Variants in HYAL1 observed in about 807,000 individuals in gnomAD.
HYAL1 encodes the protein hyaluronidase 1.
In HYAL1, 21 loss-of-function variants were observed where a neutral mutation model predicts 28.8. The observed-to-expected ratio is 0.73, with a 90% CI of 0.52 to 1.05. The LOEUF (loss-of-function observed/expected upper bound fraction) is 1.05, where lower values mean the gene tolerates loss of function less well. Among genes scored for constraint, HYAL1 ranks in the 50% least tolerant of loss-of-function variants. The pLI is 0.00. For missense variants in HYAL1, 491 were observed against 579.2 expected (o/e 0.85, Z 1.56); for synonymous variants, 200 against 230.1 (o/e 0.87, Z 1.18).
intron 1 of HYAL1, among the ~76,000 whole-genome samples, chr3:50,311,998 G>C (rs1200549394): frequency 7.0e-6 from 1 of 142,592 alleles, no homozygotes; most frequent in Non-Finnish European, 1.6e-5. Flanking sequence ...CTCCCGGACG[G>C]GGCGGCTGGC....
In HYAL1 at chr3:50,302,314, G is replaced by T. The variant is rs1702198792; in HGVS notation, c.643C>A (p.Pro215Thr). 7 of 1,613,422 alleles carry T rather than the reference G, an allele frequency of 4.3e-6. No individual in the cohort carries two copies. The highest frequency in any genetic ancestry group is 5.9e-6 in the Non-Finnish European group (7 of 1,180,008). Reference sequence around the variant, plus strand: ...GATGGGCACTGGCCGGTGTAGTTGGGGCTTAGAAAGTCATAGTTGTAGCAG... The same window carrying T: ...GATGGGCACTGGCCGGTGTAGTTGGTGCTTAGAAAGTCATAGTTGTAGCAG... The part of the protein sequence containing the change: ...PDCYNYDFLS[P>T]NYTGQCPSGI... Residue 215 changes from proline to threonine, a missense_variant, in exon 2 of 4, where the codon CCC becomes ACC. By Grantham distance (38) the Pro-to-Thr change is conservative. Transcript: ENST00000395144. This position sits in a 1 kb window ranked among gnomAD's most constrained non-coding sequence, Gnocchi z 5.0.
intron 1 of HYAL1, among the ~76,000 whole-genome samples, chr3:50,311,289 G>A (rs1376934368): frequency 7.3e-5 from 10 of 137,014 alleles, no homozygotes; most frequent in African/African-American, 1.9e-4. Flanking sequence ...CCTCCTTCCC[G>A]GACGGGGCGG....
Position 50,300,656 on chromosome 3 carries a change from G to C in HYAL1, c.1135C>G (p.Leu379Val). Residue 379 changes from leucine to valine, a missense_variant, in exon 4 of 4, where the codon CTC (leucine) becomes GTC (valine). Coordinates refer to ENST00000395144, the MANE Select transcript of HYAL1 (RefSeq NM_033159.4). ...CVRRTSHPKALLLLNPASFSI... is the reference protein window; with the variant it reads ...CVRRTSHPKAVLLLNPASFSI... ...AAACTGGCAGGGTTAAGGAGGAGGA[G>C]GGCTTTGGGGTGGCTGGTGCGGCGG... is the stretch of plus-strand genomic sequence containing the variant. 6 of 1,614,020 alleles carry C rather than the reference G, an allele frequency of 3.7e-6. No individual in the cohort carries two copies. Among genetic ancestry groups the C allele is most frequent in the Non-Finnish European group, 5.1e-6 (6 of 1,179,932 alleles).
At position 50,302,837 on chromosome 3, in the gene HYAL1, G is replaced by A. The variant is rs782749500; in HGVS notation, c.120C>T (p.Thr40=). 1.2e-6 allele frequency: 2 copies of A among 1,613,976 alleles called. No homozygotes were observed. Residue 40 remains threonine (T), a synonymous_variant, in exon 2 of 4, where the codon ACC becomes ACT. Transcript: ENST00000395144. The surrounding 1 kb of genome is among the most constrained non-coding windows in gnomAD (Gnocchi z 5.0). ...RPFTTVWNAN[T]QWCLERHGVD... ...CACCGTGCCTCTCCAGGCACCACTG[G>A]GTGTTTGCATTCCAGACGGTGGTGA...
In HYAL1 at chr3:50,300,363, T is replaced by C. The variant is rs1460735328; in HGVS notation, c.*120A>G. 6 of 976,748 alleles carry C rather than the reference T, an allele frequency of 6.1e-6. No individual in the cohort carries two copies. Among genetic ancestry groups the C allele is most frequent in the Non-Finnish European group, 9.8e-6 (6 of 614,034 alleles). The allele number at this position is 976,748 out of a possible 1,614,324, so 60.5% of individuals were successfully genotyped here. On this transcript the variant is annotated 3_prime_UTR_variant, in exon 4 of 4. Coordinates refer to ENST00000395144, the MANE Select transcript of HYAL1 (RefSeq NM_033159.4). ...TGTGCAGGGAATATGCCTGTGACAG[T>C]GGCTGAGTGTACTCTTTACTGTGAC...
At chr3:50,305,458 T>C (rs1702319335), upstream of HYAL1, among the ~76,000 whole-genome samples, 1 of 151,358 alleles carries the variant, frequency 6.6e-6, no homozygotes. Context: ...TTAGCCAGGA[T>C]GGTCTCGATC....
At chr3:50,311,128 A>G (rs1191018572) in intron 1 of HYAL1, among the ~76,000 whole-genome samples, 1 of 151,786 alleles carries the variant, frequency 6.6e-6, no homozygotes, top group African/African-American at 2.4e-5. Context: ...CACCTCCCAG[A>G]CGGGGTGGTG....
In HYAL1 at chr3:50,300,634, C is replaced by A. The variant is rs1702088872; in HGVS notation, c.1157G>T (p.Ser386Ile). 5.0e-6 allele frequency: 8 copies of A among 1,614,152 alleles called. No homozygotes were observed. The highest frequency in any genetic ancestry group is 6.8e-6 in the Non-Finnish European group (8 of 1,179,992). The change falls in exon 4 of 4, where the codon AGT becomes ATT. Residue 386 changes from serine to isoleucine, a missense_variant. By Grantham distance (142) the Ser-to-Ile change is moderately radical. Coordinates refer to ENST00000395144, the MANE Select transcript of HYAL1 (RefSeq NM_033159.4). ...ACCAGGCGTGAGCTGGATGGAGAAA[C>A]TGGCAGGGTTAAGGAGGAGGAGGGC... The part of the protein sequence containing the change: ...PKALLLLNPA[S>I]FSIQLTPGGG...
At chr3:50,311,660 G>A (rs1438644896) in intron 1 of HYAL1, among the ~76,000 whole-genome samples, 15 of 138,630 alleles carry the variant, frequency 1.1e-4, no homozygotes, top group East Asian at 5.5e-4. Context: ...GCGGCTGGCC[G>A]GGCGGGGGGC....
At chr3:50,305,283 G>A (rs953914338), upstream of HYAL1, among the ~76,000 whole-genome samples, 22 of 152,062 alleles carry the variant, frequency 1.4e-4, no homozygotes, top group Middle Eastern at 3.4e-3. Flanking sequence ...TCGCTCTGTC[G>A]CCCAGGCTGG....
chr3:50,305,337 G>A (rs1418083750), upstream of HYAL1, among the ~76,000 whole-genome samples: 1 of 152,056 alleles, frequency 6.6e-6, no homozygotes, highest in African/African-American at 2.4e-5. Flanking sequence ...TCTGCCCCCC[G>A]GGTTCATGCC....
chr3:50,301,934 G>A (rs760288723), intron 2 of HYAL1, 123 bp downstream of exon 2: 7 of 1,044,252 alleles, frequency 6.7e-6, no homozygotes, highest in South Asian at 1.3e-5. Context: ...CTGGGTGACA[G>A]AGTGAGACTC....
chr3:50,311,526 G>C (rs1159250602), intron 1 of HYAL1, among the ~76,000 whole-genome samples: 1 of 134,608 alleles, frequency 7.4e-6, no homozygotes, highest in Non-Finnish European at 1.6e-5. Flanking sequence ...CGGCCGGGCA[G>C]AGGCGCCCCT....
At chr3:50,304,631 G>C (rs782412033), upstream of HYAL1, among the ~76,000 whole-genome samples, 7 of 151,852 alleles carry the variant, frequency 4.6e-5, no homozygotes, top group South Asian at 2.1e-4. Context: ...TGAAAGTACT[G>C]TGGCCCTAGG....
intron 1 of HYAL1, among the ~76,000 whole-genome samples, chr3:50,311,314 G>A (rs1702446309): frequency 7.2e-6 from 1 of 139,020 alleles, no homozygotes; most frequent in Non-Finnish European, 1.6e-5. Context: ...CCGGGCGGGG[G>A]GCTGACCCCC....
At position 50,300,816 on chromosome 3, in the gene HYAL1, G is replaced by A. The variant is rs1553712613; in HGVS notation, c.991-16C>T. 1 of 1,611,990 alleles carries A rather than the reference G, an allele frequency of 6.2e-7. No homozygotes were observed. The highest frequency in any genetic ancestry group is 8.5e-7 in the Non-Finnish European group (1 of 1,178,970). ...GACATGATTCCTAGGTGGGAAGGGA[G>A]GATAGCGTCAGGGACACCATGGCCA... On this transcript the variant is annotated splice_polypyrimidine_tract_variant and intron_variant, in intron 3 of 3. Transcript: ENST00000395144.
Position 50,300,741 on chromosome 3 carries a change from G to A in HYAL1, c.1050C>T (p.Asn350=), listed in dbSNP as rs148913295. The part of the protein sequence containing the change: ...MDTTLGPFIL[N]VTSGALLCSQ... ...TGCAGAGAAGGGCCCCACTGGTCACGTTCAGGATGAAGGGCCCCAGTGTAG... is the reference window on the plus strand; with the variant it reads ...TGCAGAGAAGGGCCCCACTGGTCACATTCAGGATGAAGGGCCCCAGTGTAG... Residue 350 remains asparagine, a synonymous_variant, in exon 4 of 4, where the codon AAC becomes AAT. Coordinates refer to ENST00000395144, the MANE Select transcript of HYAL1 (RefSeq NM_033159.4). 19 of 1,613,918 alleles carry A rather than the reference G, an allele frequency of 1.2e-5. No homozygotes were observed. The African/African-American group carries it at 1.6e-4, about 14-fold the overall frequency.
At chr3:50,303,342 T>TC (rs1225674144) in intron 1 of HYAL1, 124 bp downstream of exon 1, 21 of 176,072 alleles carry the variant, frequency 1.2e-4, no homozygotes, top group Admixed American at 2.9e-4. Flanking sequence ...GGGGAGGCCT[T>TC]CCTGTCTCTT....
At chr3:50,304,810 C>A (rs1472660256), upstream of HYAL1, among the ~76,000 whole-genome samples, 2 of 152,116 alleles carry the variant, frequency 1.3e-5, no homozygotes, top group Non-Finnish European at 2.9e-5. Context: ...AGCCTCTGCA[C>A]AAATTCCAGT....
Sources: gnomAD v4.1 joint callset for allele counts (sites outside exome capture counted in the v4.1 genomes callset) on GRCh38, gnomAD v4.1.1 for gene constraint, Gnocchi (gnomAD v3.1) non-coding constraint, MANE v1.5 for transcripts, NCBI Gene and HGNC (gene_info 2026-07-23, HGNC 2026-07-21) for gene names.